Variants in ARPP19 observed in about 807,000 individuals in gnomAD.
ARPP19 encodes cAMP regulated phosphoprotein 19.
In ARPP19, 8 loss-of-function variants were observed where a neutral mutation model predicts 12.0. That is an observed-to-expected ratio of 0.67 (90% CI 0.39 to 1.21). The LOEUF (loss-of-function observed/expected upper bound fraction) is 1.21, where lower values mean the gene tolerates loss of function less well. Among genes scored for constraint, ARPP19 ranks in the 50% most tolerant of loss-of-function variants. ARPP19 has a pLI of 0.01. For missense variants in ARPP19, 102 were observed against 136.3 expected, an observed-to-expected ratio of 0.75 and a Z score of 1.25; for synonymous variants, 47 against 50.4, an observed-to-expected ratio of 0.93 and a Z score of 0.29.
In ARPP19 at chr15:52,550,305, A is replaced by G. The variant is rs2077917217; in HGVS notation, c.*1629T>C. ...TATTTTACTAAAGTGACATCTACAG[A>G]AGCAAACATCTAAACATTTTTAATA... On this transcript the variant is annotated 3_prime_UTR_variant, in exon 3 of 3. Coordinates refer to ENST00000249822, the MANE Select transcript of ARPP19 (RefSeq NM_006628.6). The G allele has an allele frequency of 6.6e-6, 1 of 152,228 alleles. No homozygotes were observed. The highest frequency in any genetic ancestry group is 6.5e-5 in the Admixed American group (1 of 15,278). 9.4% of individuals were successfully genotyped at this position (152,228 alleles called of 1,614,324 possible). A position where few individuals can be genotyped will look rare whatever the true frequency, so the allele number is the denominator to read the frequency against.
chr15:52,560,183 CTTTTTT>C (rs889777321), intron 1 of ARPP19, among the ~76,000 whole-genome samples: 1 of 147,980 alleles, frequency 6.8e-6, no homozygotes, highest in East Asian at 2.0e-4. Flanking sequence ...TTTTCTTTTT[CTTTTTT>C]TTTTGCCATG....
At chr15:52,568,698 G>A (rs2078110059) in intron 1 of ARPP19, 150 bp downstream of exon 1, 1 of 510,754 alleles carries the variant, frequency 2.0e-6, no homozygotes, top group East Asian at 3.6e-5. Flanking sequence ...ACCAGCCAGC[G>A]ACGGCGGGAA....
rs530278105 is a variant in ARPP19 at position 52,564,166 on chromosome 15, T to C, written c.45+4682A>G. 2.0e-5 allele frequency: 30 copies of C among 1,506,132 alleles called. No individual in the cohort carries two copies. In the African/African-American group the frequency reaches 3.7e-4, roughly 19 times the overall value. 93.3% of individuals were successfully genotyped at this position (1,506,132 alleles called of 1,614,324 possible). A position where few individuals can be genotyped will look rare whatever the true frequency, so the allele number is the denominator to read the frequency against. Reference sequence around the variant, plus strand: ...ACTGCTAAGACGGCTAAGAGAAACATTTAAAAACTTTTCTGAGGTTTACCT... The same window carrying C: ...ACTGCTAAGACGGCTAAGAGAAACACTTAAAAACTTTTCTGAGGTTTACCT... On this transcript the variant is annotated intron_variant, in intron 1 of 2. Transcript: ENST00000249822.
chr15:52,551,340 TAGAG>T lies in ARPP19; in HGVS notation c.*590_*593del, dbSNP rs2077928816. 6.5e-6 allele frequency: 1 copy of T among 152,756 alleles called. No individual in the cohort carries two copies. The highest frequency in any genetic ancestry group is 1.5e-5 in the Non-Finnish European group (1 of 68,110). The allele number at this position is 152,756 out of a possible 1,614,324, so 9.5% of individuals were successfully genotyped here. A position where few individuals can be genotyped will look rare whatever the true frequency, so the allele number is the denominator to read the frequency against. On this transcript the variant is annotated 3_prime_UTR_variant, in exon 3 of 3. Transcript: ENST00000249822. ...AGCTTCAACGGCAGCTGTTAAGCACTAGAGTCACATAAGTTACACCAGAATGGGC... is the reference window on the plus strand; with the variant it reads ...AGCTTCAACGGCAGCTGTTAAGCACTTCACATAAGTTACACCAGAATGGGC...
Position 52,549,620 on chromosome 15 carries a change from T to C in ARPP19, c.*2314A>G, listed in dbSNP as rs1278228396. 6.6e-6 allele frequency: 1 copy of C among 152,636 alleles called. No homozygotes were observed. Among genetic ancestry groups the C allele is most frequent in the Non-Finnish European group, 1.5e-5 (1 of 68,032 alleles). 9.5% of individuals were successfully genotyped at this position (152,636 alleles called of 1,614,324 possible). On this transcript the variant is annotated 3_prime_UTR_variant, in exon 3 of 3. Transcript: ENST00000249822. ...AGGTAGGTCAAATATTAATTATGTA[T>C]TTTACAAACAAAACTCAAGCAGTTG...
upstream of ARPP19, chr15:52,569,054 G>C: frequency 1.7e-6 from 1 of 592,374 alleles, no homozygotes; most frequent in African/African-American, 2.0e-5. Flanking sequence ...GAAACGCTCC[G>C]CTGGCCAAGG....
Position 52,547,472 on chromosome 15 carries a change from AAT to A in ARPP19, c.*4460_*4461del, listed in dbSNP as rs775736958. 15 of 152,242 alleles carry A rather than the reference AAT, an allele frequency of 9.9e-5. No individual in the cohort carries two copies. The highest frequency in any genetic ancestry group is 2.0e-4 in the Admixed American group (3 of 15,288). The allele number at this position is 152,242 out of a possible 1,614,324, so 9.4% of individuals were successfully genotyped here. ...TAACAGATCCAAGGGCATAATATTA[AAT>A]ATGTTTTTTTCCAACTGCGATTTAG... On this transcript the variant is annotated 3_prime_UTR_variant, in exon 3 of 3. Transcript: ENST00000249822.
Position 52,552,377 on chromosome 15 carries a change from C to G in ARPP19, c.169-273G>C, listed in dbSNP as rs1555392815. 4.6e-5 allele frequency among the ~76,000 whole-genome samples: 7 copies of G among 151,646 alleles called. 1 individual carries two copies. Among genetic ancestry groups the G allele is most frequent in the Non-Finnish European group, 1.0e-4 (7 of 67,892 alleles). ...TTAAGGTCAGGAGTTCCAGGCCAGC[C>G]TGGCCAATATGGCGAAACCCTGTCT... On this transcript the variant is annotated intron_variant, in intron 2 of 2. Coordinates refer to ENST00000249822, the MANE Select transcript of ARPP19 (RefSeq NM_006628.6).
In ARPP19 at chr15:52,568,924, A is replaced by C; in HGVS notation, c.-32T>G. 6 of 1,525,314 alleles carry C rather than the reference A, an allele frequency of 3.9e-6. No homozygotes were observed. The highest frequency in any genetic ancestry group is 5.3e-6 in the Non-Finnish European group (6 of 1,128,626). 94.5% of individuals were successfully genotyped at this position (1,525,314 alleles called of 1,614,324 possible). ...CCCTCTGCAGACGAGACGCCGGGAA[A>C]AGATGCAATTAGCGGGTGGCCGAGG... On this transcript the variant is annotated 5_prime_UTR_variant, in exon 1 of 3. Transcript: ENST00000249822.
chr15:52,558,579 C>T (rs1018927298), intron 1 of ARPP19, among the ~76,000 whole-genome samples: 1 of 151,870 alleles, frequency 6.6e-6, no homozygotes, highest in South Asian at 2.1e-4. Context: ...CATTTCTGCA[C>T]ATTAAATCAG....
rs1250126053 is a variant in ARPP19, at chr15:52,552,093, A to G, written c.180T>C (p.Phe60=). Residue 60 remains phenylalanine, a synonymous_variant, in exon 3 of 3, where the codon TTT becomes TTC. Transcript: ENST00000249822. The stretch of plus-strand genomic sequence containing the variant: ...TAGCCATGTTGTAATCCCCAGAATC[A>G]AAATATTTTTGCTATAAGTAAAAAC... The part of the protein sequence containing the change: ...RKRLQKGQKY[F]DSGDYNMAKA... 2.5e-6 allele frequency: 4 copies of G among 1,611,900 alleles called. No homozygotes were observed. Among genetic ancestry groups the G allele is most frequent in the Non-Finnish European group, 3.4e-6 (4 of 1,178,178 alleles).
chr15:52,549,738 T>C lies in ARPP19; in HGVS notation c.*2196A>G, dbSNP rs1325239057. 3.9e-5 allele frequency: 6 copies of C among 152,634 alleles called. No individual in the cohort carries two copies. The highest frequency in any genetic ancestry group is 8.8e-5 in the Non-Finnish European group (6 of 68,044). 9.5% of individuals were successfully genotyped at this position (152,634 alleles called of 1,614,324 possible). ...TTCAGATTAATCTTTCATGTGTGAATTTAATGGTAATTACTTGCAAATATT... is the reference window on the plus strand; with the variant it reads ...TTCAGATTAATCTTTCATGTGTGAACTTAATGGTAATTACTTGCAAATATT... On this transcript the variant is annotated 3_prime_UTR_variant, in exon 3 of 3. Coordinates refer to ENST00000249822, the MANE Select transcript of ARPP19 (RefSeq NM_006628.6).
chr15:52,552,929 T>C (rs2077948917), intron 2 of ARPP19, among the ~76,000 whole-genome samples: 2 of 151,878 alleles, frequency 1.3e-5, no homozygotes, highest in South Asian at 4.2e-4. Flanking sequence ...ATACAAAAAT[T>C]AGTCGGTTGT....
chr15:52,562,528 T>C (rs2078043804), intron 1 of ARPP19, among the ~76,000 whole-genome samples: 1 of 151,936 alleles, frequency 6.6e-6, no homozygotes. Context: ...ATTAGATAGG[T>C]GTCGTGGTAG....
At chr15:52,562,258 A>G (rs1455393704) in intron 1 of ARPP19, among the ~76,000 whole-genome samples, 3 of 152,316 alleles carry the variant, frequency 2.0e-5, no homozygotes, top group African/African-American at 7.2e-5. Flanking sequence ...AGTCTTCCAC[A>G]GCACAAATGG....
intron 1 of ARPP19, among the ~76,000 whole-genome samples, chr15:52,565,419 A>G (rs58185101): frequency 0.12 from 18,921 of 152,232 alleles, 1,307 homozygotes; most frequent in Middle Eastern, 0.17. Context: ...TGAGATCTGT[A>G]CTCAAAACTT....
chr15:52,555,455 C>T (rs1302136636), intron 2 of ARPP19, among the ~76,000 whole-genome samples: 1 of 151,988 alleles, frequency 6.6e-6, no homozygotes, highest in African/African-American at 2.4e-5. Context: ...TTCTATTTAT[C>T]CCCTATATTA....
At chr15:52,566,837 G>A (rs2078087453) in intron 1 of ARPP19, among the ~76,000 whole-genome samples, 1 of 152,088 alleles carries the variant, frequency 6.6e-6, no homozygotes, top group Non-Finnish European at 1.5e-5. Flanking sequence ...AATCTATCTG[G>A]TTTTCTTCTC....
intron 2 of ARPP19, among the ~76,000 whole-genome samples, chr15:52,554,188 T>C (rs1339672888): frequency 6.6e-6 from 1 of 152,150 alleles, no homozygotes; most frequent in Non-Finnish European, 1.5e-5. Context: ...CCCTATGTAA[T>C]AAACGCAGTT....
Sources: gnomAD v4.1 joint callset for allele counts (sites outside exome capture counted in the v4.1 genomes callset) on GRCh38, gnomAD v4.1.1 for gene constraint, MANE v1.5 for transcripts, NCBI Gene and HGNC (gene_info 2026-07-23, HGNC 2026-07-21) for gene names.